The following PRKCH variants were observed in gnomAD, a reference collection of about 807,000 sequenced individuals.
PRKCH encodes protein kinase C eta.
A neutral mutation model predicts 82.5 loss-of-function variants in PRKCH; 28 were observed. The observed-to-expected ratio is 0.34, with a 90% CI of 0.25 to 0.47. The LOEUF (loss-of-function observed/expected upper bound fraction) is 0.47. PRKCH is among the 20% of genes least tolerant of loss of function. PRKCH has a pLI of 1.00. For missense variants in PRKCH, 705 were observed against 881.8 expected (o/e 0.80, Z 2.54); for synonymous variants, 322 against 327.4 (o/e 0.98, Z 0.18).
chr14:61,236,566 G>C (rs1373905629), intron 1 of PRKCH, among the ~76,000 whole-genome samples: 1 of 152,048 alleles, frequency 6.6e-6, no homozygotes, highest in Non-Finnish European at 1.5e-5. Context: ...AAATTAGCCA[G>C]GCATGGTGGC....
At chr14:61,287,583 G>A (rs117660766) in intron 1 of PRKCH, among the ~76,000 whole-genome samples, 2,166 of 152,200 alleles carry the variant, frequency 0.014, 21 homozygotes, top group Non-Finnish European at 0.023. Flanking sequence ...GGTAGTGCAC[G>A]CCTGTAATCT....
intron 1 of PRKCH, among the ~76,000 whole-genome samples, chr14:61,243,467 A>G (rs2044857713): frequency 6.6e-6 from 1 of 152,040 alleles, no homozygotes. Flanking sequence ...GGTGGAGAGA[A>G]TAACATGTGC....
chr14:61,291,052 A>G (rs1246027248), intron 1 of PRKCH, among the ~76,000 whole-genome samples: 1 of 152,220 alleles, frequency 6.6e-6, no homozygotes, highest in Non-Finnish European at 1.5e-5. Context: ...GAAATAATTT[A>G]GTGTTTGCTC....
At chr14:61,217,825 G>T (rs562517128) in intron 1 of PRKCH, among the ~76,000 whole-genome samples, 1 of 152,148 alleles carries the variant, frequency 6.6e-6, no homozygotes, top group African/African-American at 2.4e-5. Context: ...AGCAACTTCT[G>T]CTCTTTGAAA....
chr14:61,504,998 T>C (rs1887073469), intron 10 of PRKCH, among the ~76,000 whole-genome samples: 1 of 152,184 alleles, frequency 6.6e-6, no homozygotes, highest in Admixed American at 6.5e-5. Context: ...GGCATTCTAG[T>C]GTAAGCACAC....
chr14:61,503,005 T>C (rs1886987753), intron 10 of PRKCH, among the ~76,000 whole-genome samples: 1 of 133,150 alleles, frequency 7.5e-6, no homozygotes, highest in Non-Finnish European at 1.5e-5. Flanking sequence ...AGCAGGCTTT[T>C]TTTTTTTTTT....
chr14:61,294,555 C>T (rs1039860898), intron 1 of PRKCH, among the ~76,000 whole-genome samples: 6 of 151,518 alleles, frequency 4.0e-5, no homozygotes, highest in African/African-American at 1.5e-4. Context: ...TCAATATAAC[C>T]CTTCATTCAA....
At chr14:61,531,706 A>C (rs2043045696) in intron 12 of PRKCH, among the ~76,000 whole-genome samples, 1 of 152,258 alleles carries the variant, frequency 6.6e-6, no homozygotes, top group Non-Finnish European at 1.5e-5. Context: ...CTGAGGTGTC[A>C]GTACCCTCCT....
intron 10 of PRKCH, among the ~76,000 whole-genome samples, chr14:61,500,575 A>G (rs1213806659): frequency 6.6e-6 from 1 of 152,138 alleles, no homozygotes; most frequent in Non-Finnish European, 1.5e-5. Flanking sequence ...TGGTGATCTC[A>G]AAAAAGGATA....
chr14:61,508,637 C>T (rs555788264), intron 10 of PRKCH, among the ~76,000 whole-genome samples: 4 of 152,244 alleles, frequency 2.6e-5, no homozygotes, highest in African/African-American at 9.6e-5. Flanking sequence ...TCCCCAGTTT[C>T]CATCTGGGTA....
At chr14:61,373,094 G>T (rs545696822) in intron 1 of PRKCH, among the ~76,000 whole-genome samples, 1 of 152,034 alleles carries the variant, frequency 6.6e-6, no homozygotes, top group East Asian at 1.9e-4. Context: ...GCTGTCACCG[G>T]GCTGAAGAAC....
intron 2 of PRKCH, among the ~76,000 whole-genome samples, chr14:61,409,703 C>CAAAAAA (rs56238869): frequency 3.6e-5 from 2 of 56,116 alleles, no homozygotes; most frequent in Non-Finnish European, 3.2e-5. Flanking sequence ...GACCCTGTCT[C>CAAAAAA]AAAAAAAAAA....
At chr14:61,388,395 T>G (rs947587401) in intron 1 of PRKCH, among the ~76,000 whole-genome samples, 2 of 152,138 alleles carry the variant, frequency 1.3e-5, no homozygotes, top group Admixed American at 6.5e-5. Context: ...AGCTCCTGCT[T>G]CTAACTGGTG....
At chr14:61,216,146 G>T (rs1237927268) in intron 1 of PRKCH, among the ~76,000 whole-genome samples, 1 of 152,118 alleles carries the variant, frequency 6.6e-6, no homozygotes. Flanking sequence ...CTGTCAGGTT[G>T]GTGAAAAGCC....
intron 10 of PRKCH, among the ~76,000 whole-genome samples, chr14:61,517,494 T>C (rs973532798): frequency 6.6e-6 from 1 of 152,214 alleles, no homozygotes; most frequent in Non-Finnish European, 1.5e-5. Flanking sequence ...GATTACTCTT[T>C]GCTCTGTGTA....
intron 2 of PRKCH, among the ~76,000 whole-genome samples, chr14:61,433,043 C>CAA (rs34477992): frequency 2.3e-4 from 25 of 110,962 alleles, no homozygotes; most frequent in African/African-American, 5.2e-4. Context: ...CCAACCTCTT[C>CAA]AAAAAAAAAA....
At chr14:61,404,182 C>T (rs1200029522) in intron 2 of PRKCH, among the ~76,000 whole-genome samples, 3 of 152,162 alleles carry the variant, frequency 2.0e-5, no homozygotes, top group Admixed American at 6.5e-5. Context: ...ATCCTGATGG[C>T]TGAGAGTTGT....
At chr14:61,216,908 C>T (rs939926113) in intron 1 of PRKCH, among the ~76,000 whole-genome samples, 39 of 152,212 alleles carry the variant, frequency 2.6e-4, no homozygotes, top group African/African-American at 7.9e-4. Flanking sequence ...AAATGTAAAA[C>T]GGTTGCATAC....
At chr14:61,463,710 TA>T (rs1292985165) in intron 9 of PRKCH, among the ~76,000 whole-genome samples, 2 of 151,524 alleles carry the variant, frequency 1.3e-5, no homozygotes, top group African/African-American at 4.9e-5. Flanking sequence ...TGTTTATATA[TA>T]TTTTTTTGGT....
Sources: allele counts gnomAD v4.1 joint callset (sites outside exome capture counted in the v4.1 genomes callset), GRCh38; gene constraint gnomAD v4.1.1; transcripts MANE v1.5; gene names NCBI Gene and HGNC (gene_info 2026-07-23, HGNC 2026-07-21).